The following CEP152 variants were observed in gnomAD, a reference collection of about 807,000 sequenced individuals.
The protein encoded by CEP152 is centrosomal protein of 152 kDa.
Under a neutral mutation model 188.9 loss-of-function variants are expected in CEP152, and 132 were observed. The observed-to-expected ratio is 0.70, with a 90% CI of 0.61 to 0.81. CEP152 has a LOEUF of 0.81. Ranked by LOEUF, CEP152 falls within the 30% of genes least tolerant of loss-of-function variation. CEP152 has a pLI of 0.00. For missense variants in CEP152, 1,914 were observed against 1,969.8 expected (o/e 0.97, Z 0.54); for synonymous variants, 649 against 666.6 (o/e 0.97, Z 0.41).
At chr15:48,777,962 C>T (rs1416998101) in intron 12 of CEP152, among the ~76,000 whole-genome samples, 2 of 152,326 alleles carry the variant, frequency 1.3e-5, no homozygotes, top group Non-Finnish European at 2.9e-5. Context: ...AAAAGGCTCA[C>T]TACTGAGTCC....
At chr15:48,755,153 T>C (rs913560882) in intron 20 of CEP152, among the ~76,000 whole-genome samples, 15 of 152,152 alleles carry the variant, frequency 9.9e-5, no homozygotes, top group African/African-American at 3.4e-4. Context: ...TACTGAAACT[T>C]TCATACAAAT....
At position 48,767,099 on chromosome 15, in the gene CEP152, G is replaced by T. The variant is rs1279666328; in HGVS notation, c.2241C>A (p.Leu747=). The change falls in exon 17 of 27, where the codon CTC becomes CTA. Residue 747 remains leucine, a synonymous_variant. Coordinates refer to ENST00000380950, the MANE Select transcript of CEP152 (RefSeq NM_001194998.2). ...CREKDNLELT[L]RKTTEKEQQT... The stretch of plus-strand genomic sequence containing the variant: ...GTTGCTCCTTTTCAGTGGTCTTCCT[G>T]AGAGTCAATTCTAGATTATCCTTCT... The T allele has an allele frequency of 6.2e-7, 1 of 1,613,218 alleles. No individual in the cohort carries two copies. Among genetic ancestry groups the T allele is most frequent in the Non-Finnish European group, 8.5e-7 (1 of 1,179,982 alleles).
chr15:48,746,132 A>C (rs1893401808), intron 22 of CEP152, among the ~76,000 whole-genome samples: 1 of 152,224 alleles, frequency 6.6e-6, no homozygotes, highest in Non-Finnish European at 1.5e-5. Context: ...AAGCAATCTC[A>C]ATAGCAAAGA....
intron 19 of CEP152, among the ~76,000 whole-genome samples, chr15:48,757,286 C>A (rs1894347191): frequency 6.6e-6 from 1 of 152,182 alleles, no homozygotes; most frequent in Non-Finnish European, 1.5e-5. Context: ...CATTCCTCAA[C>A]TTCTTTGAGC....
At chr15:48,787,163 G>GTTTTTTGTTTTTTTTTT (rs71120640) in intron 9 of CEP152, among the ~76,000 whole-genome samples, 2 of 101,500 alleles carry the variant, frequency 2.0e-5, no homozygotes, top group Non-Finnish European at 3.7e-5. Flanking sequence ...TATAGCCTTC[G>GTTTTTTGTTTTTTTTTT]TTTTTTTTTT....
rs773717319 is a variant in CEP152 at position 48,797,445 on chromosome 15, A to G, written c.396T>C (p.Tyr132=). Residue 132 remains tyrosine, a synonymous_variant, in exon 5 of 27, where the codon TAT becomes TAC. Transcript: ENST00000380950. The part of the protein sequence containing the change: ...EEGGDEGGSG[Y]SPPSKCEQTD... ...TCTGTTCACATTTACTTGGAGGACTATAACCACTTCCACCTTCATCTCCAC... is the reference window on the plus strand; with the variant it reads ...TCTGTTCACATTTACTTGGAGGACTGTAACCACTTCCACCTTCATCTCCAC... The G allele has an allele frequency of 2.5e-6, 4 of 1,614,182 alleles. No homozygotes were observed. The South Asian group carries it at 4.4e-5, about 18-fold the overall frequency.
At chr15:48,807,188 C>T (rs943199977) in intron 1 of CEP152, among the ~76,000 whole-genome samples, 1 of 152,062 alleles carries the variant, frequency 6.6e-6, no homozygotes, top group East Asian at 1.9e-4. Flanking sequence ...CAGGGCTAAA[C>T]GGGGGAAGAG....
chr15:48,749,138 T>C (rs1893690838), intron 21 of CEP152, among the ~76,000 whole-genome samples: 2 of 152,054 alleles, frequency 1.3e-5, no homozygotes, highest in African/African-American at 4.8e-5. Flanking sequence ...GTATTAAAAA[T>C]AGGAATTTAT....
At chr15:48,777,665 C>A (rs1226288542) in intron 12 of CEP152, among the ~76,000 whole-genome samples, 1 of 151,918 alleles carries the variant, frequency 6.6e-6, no homozygotes, top group Non-Finnish European at 1.5e-5. Context: ...TAAACCACTT[C>A]TATTTCCATT....
intron 1 of CEP152, chr15:48,810,101 T>C (rs1898231938): frequency 6.6e-6 from 1 of 152,232 alleles, no homozygotes; most frequent in Non-Finnish European, 1.5e-5. Flanking sequence ...TATGAAGGTA[T>C]AAGGTGATAA....
chr15:48,768,136 A>T, intron 15 of CEP152, 83 bp downstream of exon 15: 1 of 822,096 alleles, frequency 1.2e-6, no homozygotes, highest in African/African-American at 1.7e-5. Flanking sequence ...ATCATTTTGA[A>T]TCTTTTTGTC....
At chr15:48,737,658 C>T (rs1432511649), downstream of CEP152, among the ~76,000 whole-genome samples, 1 of 152,006 alleles carries the variant, frequency 6.6e-6, no homozygotes, top group Non-Finnish European at 1.5e-5. Context: ...AAAATTCAGA[C>T]TAATATTTAA....
At chr15:48,795,629 G>A (rs1409498863) in intron 6 of CEP152, among the ~76,000 whole-genome samples, 1 of 152,038 alleles carries the variant, frequency 6.6e-6, no homozygotes, top group Non-Finnish European at 1.5e-5. Context: ...ATATAAAGTT[G>A]GAAAAATGTC....
chr15:48,754,183 A>G (rs896205522), intron 20 of CEP152, among the ~76,000 whole-genome samples: 1 of 152,130 alleles, frequency 6.6e-6, no homozygotes, highest in Non-Finnish European at 1.5e-5. Flanking sequence ...AATCTGACCC[A>G]CCCAACAAAA....
chr15:48,783,345 T>C (rs1037935460), intron 10 of CEP152: 2 of 152,070 alleles, frequency 1.3e-5, no homozygotes, highest in African/African-American at 4.8e-5. Context: ...ATGACAAAAA[T>C]GTAACTCTCT....
At chr15:48,792,924 T>C (rs534791489) in intron 7 of CEP152, among the ~76,000 whole-genome samples, 28 of 151,958 alleles carry the variant, frequency 1.8e-4, no homozygotes, top group South Asian at 4.2e-4. Flanking sequence ...CAGGTGATTC[T>C]CCTTCTCCTG....
At chr15:48,754,814 A>T (rs1051853859) in intron 20 of CEP152, among the ~76,000 whole-genome samples, 2 of 152,230 alleles carry the variant, frequency 1.3e-5, no homozygotes, top group Non-Finnish European at 2.9e-5. Context: ...CCAGTGAGCA[A>T]CTATGTGATT....
chr15:48,744,766 A>G, intron 23 of CEP152, 130 bp downstream of exon 23: 1 of 862,774 alleles, frequency 1.2e-6, no homozygotes, highest in East Asian at 2.7e-5. Flanking sequence ...TCAGGAAATA[A>G]GGTTTTGGGG....
chr15:48,797,276 C>A, intron 5 of CEP152, 25 bp downstream of exon 5: 1 of 1,613,166 alleles, frequency 6.2e-7, no homozygotes, highest in Non-Finnish European at 8.5e-7. Context: ...CACACAAGTT[C>A]TTGAAAGTCA....
Sources: allele counts gnomAD v4.1 joint callset (sites outside exome capture counted in the v4.1 genomes callset), GRCh38; gene constraint gnomAD v4.1.1; transcripts MANE v1.5; gene names NCBI Gene and HGNC (gene_info 2026-07-23, HGNC 2026-07-21).